The following SGCD variants were observed in gnomAD, a reference collection of about 807,000 sequenced individuals.
The protein encoded by SGCD is delta-sarcoglycan.
SGCD carries 18 observed loss-of-function variants against 36.6 expected under a neutral mutation model. The ratio of observed to expected loss-of-function variants is 0.49; its 90% CI spans 0.34 to 0.73. The LOEUF (loss-of-function observed/expected upper bound fraction) is 0.73. Ranked by LOEUF, SGCD falls within the 30% of genes least tolerant of loss-of-function variation. The pLI is 0.01. For missense variants in SGCD, 387 were observed against 346.7 expected (o/e 1.12, Z -0.92); for synonymous variants, 133 against 130.6 (o/e 1.02, Z -0.12).
At chr5:156,511,919 G>A (rs1045576434) in intron 4 of SGCD, among the ~76,000 whole-genome samples, 1 of 152,118 alleles carries the variant, frequency 6.6e-6, no homozygotes, top group Non-Finnish European at 1.5e-5. Flanking sequence ...GTTTTGGCTG[G>A]GTGTGGTGGC....
intron 7 of SGCD, among the ~76,000 whole-genome samples, chr5:156,688,492 CT>C (rs1000591394): frequency 6.6e-6 from 1 of 152,096 alleles, no homozygotes; most frequent in Non-Finnish European, 1.5e-5. Flanking sequence ...GATTAATTAC[CT>C]AAAAGGGGAT....
At chr5:156,320,755 A>G (rs980608738) in intron 3 of SGCD, among the ~76,000 whole-genome samples, 8 of 152,236 alleles carry the variant, frequency 5.3e-5, no homozygotes, top group African/African-American at 1.9e-4. Flanking sequence ...TGTCTGGCCA[A>G]TAGAGATATT....
chr5:156,698,245 C>T (rs1754395217), intron 7 of SGCD, among the ~76,000 whole-genome samples: 2 of 152,160 alleles, frequency 1.3e-5, no homozygotes, highest in African/African-American at 4.8e-5. Context: ...TGAAATCACT[C>T]ATAAGAACAG....
intron 3 of SGCD, among the ~76,000 whole-genome samples, chr5:156,312,195 A>G (rs1408427853): frequency 6.6e-6 from 1 of 152,106 alleles, no homozygotes; most frequent in Non-Finnish European, 1.5e-5. Flanking sequence ...TTCTGTCTCC[A>G]TTTTTCAGGT....
Position 156,439,752 on chromosome 5 carries a change from C to T in SGCD, c.193-68849C>T, listed in dbSNP as rs1050788121. ...ACTCTTGAAAAGCAATGCATAGGAACATTTTGATTAAAGTGAGAGCTCACT... is the reference window on the plus strand; with the variant it reads ...ACTCTTGAAAAGCAATGCATAGGAATATTTTGATTAAAGTGAGAGCTCACT... On this transcript the variant is annotated intron_variant, in intron 3 of 8. Coordinates refer to ENST00000337851, the MANE Select transcript of SGCD (RefSeq NM_000337.6). Among the ~76,000 whole-genome samples, 5 of 152,114 alleles carry T rather than the reference C, an allele frequency of 3.3e-5. No individual in the cohort carries two copies. The East Asian group carries it at 5.8e-4, about 18-fold the overall frequency.
Position 156,049,213 on chromosome 5 carries a change from T to C in SGCD, c.-281-68665T>C, listed in dbSNP as rs182287983. On this transcript the variant is annotated intron_variant, in intron 1 of 9. Transcript: ENST00000517913. ...CTGTTTTGGTACCAGTACCATGCTG[T>C]TTTGGTTACTGTAGGCTTGTAGTAC... Among the ~76,000 whole-genome samples, 19 of 146,420 alleles carry C rather than the reference T, an allele frequency of 1.3e-4. 2 individuals carry two copies. Among genetic ancestry groups the C allele is most frequent in the Admixed American group, 1.3e-3 (19 of 14,682 alleles).
At chr5:156,748,584 C>T (rs1399927835) in intron 7 of SGCD, among the ~76,000 whole-genome samples, 1 of 151,926 alleles carries the variant, frequency 6.6e-6, no homozygotes. Flanking sequence ...GAGGATAAAC[C>T]AATTCCAAGC....
chr5:156,048,876 GT>G (rs1361611500), intron 1 of SGCD, among the ~76,000 whole-genome samples: 1 of 152,042 alleles, frequency 6.6e-6, no homozygotes, highest in African/African-American at 2.4e-5. Context: ...TGTTTTTGGT[GT>G]TTTAGACTTG....
chr5:156,647,496 G>A lies in SGCD; in HGVS notation c.535G>A (p.Glu179Lys). Residue 179 changes from glutamate to lysine, a missense_variant, in exon 7 of 9, where the codon GAA becomes AAA. Physicochemically the swap from Glu to Lys is moderately conservative, Grantham distance 56 (BLOSUM62 1). Coordinates refer to ENST00000337851, the MANE Select transcript of SGCD (RefSeq NM_000337.6). ...GGGCACAGTGTTCCCTAAATCTATA[G>A]AAACACCTAATGTCAGGGCAGACCC... ...AEGTVFPKSI[E>K]TPNVRADPFK... 1 of 1,587,742 alleles carries A rather than the reference G, an allele frequency of 6.3e-7. No homozygotes were observed. The highest frequency in any genetic ancestry group is 8.6e-7 in the Non-Finnish European group (1 of 1,165,294).
chr5:156,607,353 G>T (rs1390817731), intron 6 of SGCD, among the ~76,000 whole-genome samples: 1 of 152,158 alleles, frequency 6.6e-6, no homozygotes, highest in Admixed American at 6.6e-5. Context: ...TATATTTACT[G>T]GTTTGTGTAT....
At chr5:156,593,903 A>G (rs1159609047) in intron 5 of SGCD, among the ~76,000 whole-genome samples, 1 of 152,232 alleles carries the variant, frequency 6.6e-6, no homozygotes, top group African/African-American at 2.4e-5. Flanking sequence ...TGGAAAAAGT[A>G]TAAGATTTCT....
chr5:155,889,657 G>A (rs1045941057), intron 1 of SGCD, among the ~76,000 whole-genome samples: 2 of 152,190 alleles, frequency 1.3e-5, no homozygotes, highest in African/African-American at 2.4e-5. Flanking sequence ...ACAGAGGGTG[G>A]TAGGAGAAAG....
intron 6 of SGCD, among the ~76,000 whole-genome samples, chr5:156,633,129 A>G (rs866267908): frequency 9.9e-5 from 15 of 152,164 alleles, no homozygotes; most frequent in African/African-American, 3.4e-4. Context: ...ATCTTTCAAC[A>G]TGGCTGCCAG....
intron 3 of SGCD, among the ~76,000 whole-genome samples, chr5:156,435,395 A>C (rs1753199505): frequency 6.6e-6 from 1 of 152,148 alleles, no homozygotes; most frequent in Admixed American, 6.6e-5. Flanking sequence ...ATCCTCAGAT[A>C]TTTTTACAGA....
At chr5:155,875,399 G>GT (rs1755743802) in intron 1 of SGCD, among the ~76,000 whole-genome samples, 1 of 152,086 alleles carries the variant, frequency 6.6e-6, no homozygotes, top group Non-Finnish European at 1.5e-5. Flanking sequence ...ACATATGTCA[G>GT]TTATAGCTCA....
At chr5:156,047,355 T>C (rs1446861599) in intron 1 of SGCD, among the ~76,000 whole-genome samples, 2 of 152,138 alleles carry the variant, frequency 1.3e-5, no homozygotes, top group Non-Finnish European at 2.9e-5. Context: ...CAGACTTCTA[T>C]TGGAAGAAGA....
At chr5:155,872,351 GCACACACACACA>G (rs3085993) in intron 1 of SGCD, among the ~76,000 whole-genome samples, 18 of 144,980 alleles carry the variant, frequency 1.2e-4, no homozygotes, top group Admixed American at 2.1e-4. Flanking sequence ...CTTCTCTTCA[GCACACACACACA>G]CACACACACA....
At chr5:156,223,380 G>GTGT (rs1446977448) in intron 3 of SGCD, among the ~76,000 whole-genome samples, 2 of 152,028 alleles carry the variant, frequency 1.3e-5, no homozygotes, top group Non-Finnish European at 2.9e-5. Flanking sequence ...TGTTAATGTG[G>GTGT]TATGAAAATC....
At chr5:156,743,193 C>A (rs2113097543) in intron 7 of SGCD, among the ~76,000 whole-genome samples, 2 of 150,124 alleles carry the variant, frequency 1.3e-5, no homozygotes, top group African/African-American at 4.9e-5. Flanking sequence ...CTCACTGCAA[C>A]CTCCGCCTCC....
Sources: gnomAD v4.1 joint callset for allele counts (sites outside exome capture counted in the v4.1 genomes callset) on GRCh38, gnomAD v4.1.1 for gene constraint, MANE v1.5 for transcripts, NCBI Gene and HGNC (gene_info 2026-07-23, HGNC 2026-07-21) for gene names.